The following NTNG2 variants were observed in gnomAD, a reference collection of about 807,000 sequenced individuals.
The protein encoded by NTNG2 is netrin-G2.
A neutral mutation model predicts 47.6 loss-of-function variants in NTNG2; 15 were observed. The observed-to-expected ratio is 0.32, with a 90% CI of 0.21 to 0.49. The LOEUF is 0.49. Among genes scored for constraint, NTNG2 ranks in the 20% least tolerant of loss-of-function variants. The pLI is 0.99. For synonymous variants in NTNG2, 307 were observed against 324.6 expected, an observed-to-expected ratio of 0.95 and a Z score of 0.58; for missense variants, 578 against 764.6, an observed-to-expected ratio of 0.76 and a Z score of 2.88.
At position 132,221,525 on chromosome 9, in the gene NTNG2, C is replaced by T. The variant is rs1165294703; in HGVS notation, c.858-5324C>T. ...TGTGCCAGCCTTGCCAGCCTTTCCC[C>T]ACACAGTGCCAGCTCCTCCCTGCAG... On this transcript the variant is annotated intron_variant, in intron 3 of 7. Transcript: ENST00000393229. The surrounding 1 kb of genome is among the most constrained non-coding windows in gnomAD (Gnocchi z 4.2). 6.6e-6 allele frequency among the ~76,000 whole-genome samples: 1 copy of T among 152,236 alleles called. No homozygotes were observed. Among genetic ancestry groups the T allele is most frequent in the Non-Finnish European group, 1.5e-5 (1 of 68,044 alleles).
At chr9:132,205,405 C>T (rs1176417667) in intron 3 of NTNG2, among the ~76,000 whole-genome samples, 1 of 152,084 alleles carries the variant, frequency 6.6e-6, no homozygotes, top group Non-Finnish European at 1.5e-5. Flanking sequence ...TCCCCAGAGT[C>T]GTCAAATTCA....
rs542479874 is a variant in NTNG2 at position 132,167,625 on chromosome 9, C to T, written c.213+581C>T. Among the ~76,000 whole-genome samples the T allele has an allele frequency of 3.3e-5, 5 of 152,302 alleles. No individual in the cohort carries two copies. The East Asian group carries it at 9.6e-4, about 29-fold the overall frequency. ...GGACAGACAGTGCAGCTTGGGTCCC[C>T]TTCCACTTCCATTCCTACATGCAAT... On this transcript the variant is annotated intron_variant, in intron 2 of 7. Transcript: ENST00000393229.
chr9:132,182,660 T>C lies in NTNG2; in HGVS notation c.214-15306T>C, dbSNP rs1589397789. Among the ~76,000 whole-genome samples the C allele has an allele frequency of 6.6e-6, 1 of 152,272 alleles. No homozygotes were observed. Among genetic ancestry groups the C allele is most frequent in the East Asian group, 1.9e-4 (1 of 5,168 alleles). On this transcript the variant is annotated intron_variant, in intron 2 of 7. Transcript: ENST00000393229. This position sits in a 1 kb window ranked among gnomAD's most constrained non-coding sequence, Gnocchi z 4.2. ...ATCAGCTGAGAACTGCAGCCTTGGG[T>C]ACAGAGTACGGGTTGTCTCCCAGCA...
chr9:132,241,914 G>T lies in NTNG2; in HGVS notation c.1396G>T (p.Gly466Ter). 6.3e-7 allele frequency: 1 copy of T among 1,577,072 alleles called. No homozygotes were observed. The change falls in exon 8 of 8, where the codon GGA becomes TGA. Residue 466 changes from glycine (G) to a stop codon, truncating the protein, a stop_gained. Coordinates refer to ENST00000393229, the MANE Select transcript of NTNG2 (RefSeq NM_032536.4). LOFTEE classifies it low-confidence loss of function (END_TRUNC). ...CGACGACCAGCTGCTGTGCCAGAAC[G>T]GAGGCACCTGCCTGCAGAACCAGCG... ...CDDDQLLCQN[G>*]GTCLQNQRCA... is the part of the protein sequence containing the mutation.
Position 132,218,222 on chromosome 9 carries a change from G to A in NTNG2, c.858-8627G>A, listed in dbSNP as rs886963312. 3.9e-5 allele frequency among the ~76,000 whole-genome samples: 6 copies of A among 152,182 alleles called. No individual in the cohort carries two copies. Among genetic ancestry groups the A allele is most frequent in the African/African-American group, 1.4e-4 (6 of 41,432 alleles). ...CAGACACTAAGTGTGGCTCTGAATC[G>A]AGCTGCTTGGATTCAAGTCCTGCGT... On this transcript the variant is annotated intron_variant, in intron 3 of 7. Coordinates refer to ENST00000393229, the MANE Select transcript of NTNG2 (RefSeq NM_032536.4). The surrounding 1 kb of genome is among the most constrained non-coding windows in gnomAD (Gnocchi z 5.4).
rs151045491 is a variant in NTNG2, at chr9:132,208,214, G to C, written c.857+9605G>C. ...GCTTTGAAGGAGAAACCTGAAGGGG[G>C]AACGGGGGCACGGCATTTGTGGCAG... On this transcript the variant is annotated intron_variant, in intron 3 of 7. Coordinates refer to ENST00000393229, the MANE Select transcript of NTNG2 (RefSeq NM_032536.4). This position sits in a 1 kb window ranked among gnomAD's most constrained non-coding sequence, Gnocchi z 4.0. Among the ~76,000 whole-genome samples the C allele has an allele frequency of 1.3e-5, 2 of 151,970 alleles. No individual in the cohort carries two copies. Among genetic ancestry groups the C allele is most frequent in the East Asian group, 1.9e-4 (1 of 5,174 alleles).
chr9:132,171,807 C>T (rs2131297897), intron 2 of NTNG2, among the ~76,000 whole-genome samples: 1 of 152,310 alleles, frequency 6.6e-6, no homozygotes, highest in South Asian at 2.1e-4. Context: ...ATGTTTCCAT[C>T]CAACAATGCA....
intron 2 of NTNG2, among the ~76,000 whole-genome samples, chr9:132,188,131 T>G (rs1388047563): frequency 6.6e-6 from 1 of 152,182 alleles, no homozygotes; most frequent in Non-Finnish European, 1.5e-5. Context: ...TCGGCTGCCT[T>G]TCCTTGCCTT....
intron 1 of NTNG2, among the ~76,000 whole-genome samples, chr9:132,165,295 G>T (rs1242741443): frequency 6.6e-6 from 1 of 151,970 alleles, no homozygotes; most frequent in African/African-American, 2.4e-5. Flanking sequence ...TATCTATTTT[G>T]ATATAATATA....
rs368973629 is a variant in NTNG2, at chr9:132,206,670, A to T, written c.857+8061A>T. 7.9e-5 allele frequency among the ~76,000 whole-genome samples: 12 copies of T among 152,258 alleles called. No homozygotes were observed. In the South Asian group the frequency reaches 1.0e-3, roughly 13 times the overall value. On this transcript the variant is annotated intron_variant, in intron 3 of 7. Coordinates refer to ENST00000393229, the MANE Select transcript of NTNG2 (RefSeq NM_032536.4). ...TGACAGAGCAAGACTCCGTCTCAAA[A>T]AAATAAATAAATAAATAAAATAAAC...
intron 1 of NTNG2, chr9:132,165,963 C>G (rs534360721): frequency 6.6e-6 from 1 of 152,330 alleles, no homozygotes; most frequent in East Asian, 1.9e-4. Flanking sequence ...TTCTCCCCCT[C>G]TTTAATTTGT....
intron 2 of NTNG2, among the ~76,000 whole-genome samples, chr9:132,184,472 G>C (rs542004100): frequency 6.6e-6 from 1 of 152,220 alleles, no homozygotes; most frequent in African/African-American, 2.4e-5. Flanking sequence ...CCTTGGGACT[G>C]GGGGGCAGTG....
rs976994168 is a variant in NTNG2, at chr9:132,221,948, T to C, written c.858-4901T>C. 1.3e-5 allele frequency among the ~76,000 whole-genome samples: 2 copies of C among 152,228 alleles called. No homozygotes were observed. Among genetic ancestry groups the C allele is most frequent in the African/African-American group, 4.8e-5 (2 of 41,458 alleles). ...TCTTTCGGTAGCTGATATCTAAAAATATCCCTTCCTCAGGCCAGCAGTGCG... is the reference window on the plus strand; with the variant it reads ...TCTTTCGGTAGCTGATATCTAAAAACATCCCTTCCTCAGGCCAGCAGTGCG... On this transcript the variant is annotated intron_variant, in intron 3 of 7. Transcript: ENST00000393229. The surrounding 1 kb of genome is among the most constrained non-coding windows in gnomAD (Gnocchi z 4.2).
intron 2 of NTNG2, among the ~76,000 whole-genome samples, chr9:132,186,802 C>T (rs1203062954): frequency 6.6e-6 from 1 of 152,396 alleles, no homozygotes; most frequent in African/African-American, 2.4e-5. Flanking sequence ...GATAGAACTG[C>T]CTGGAGCCAC....
At chr9:132,210,558 GA>G (rs1448317720) in intron 3 of NTNG2, among the ~76,000 whole-genome samples, 1 of 152,218 alleles carries the variant, frequency 6.6e-6, no homozygotes, top group Non-Finnish European at 1.5e-5. Context: ...GCGGACGGGG[GA>G]CTGAGCCCCA....
chr9:132,243,224 A>T lies in NTNG2; in HGVS notation c.*1113A>T. 1 of 152,246 alleles carries T rather than the reference A, an allele frequency of 6.6e-6. No homozygotes were observed. The highest frequency in any genetic ancestry group is 1.9e-4 in the East Asian group (1 of 5,198). The allele number at this position is 152,246 out of a possible 1,614,324, so 9.4% of individuals were successfully genotyped here. ...GGTGGCCACCTCCGATGGATGTGTC[A>T]TCTCAGACCTGTTGCAGCCGGAGCC... On this transcript the variant is annotated 3_prime_UTR_variant, in exon 8 of 8. Coordinates refer to ENST00000393229, the MANE Select transcript of NTNG2 (RefSeq NM_032536.4).
chr9:132,193,215 A>G (rs1838029430), intron 2 of NTNG2, among the ~76,000 whole-genome samples: 2 of 152,252 alleles, frequency 1.3e-5, no homozygotes, highest in Admixed American at 6.5e-5. Context: ...TCAACACTCA[A>G]TAGGAGATAT....
chr9:132,240,906 CCA>C lies in NTNG2; in HGVS notation c.1223-3_1223-2del. The C allele has an allele frequency of 6.2e-7, 1 of 1,612,896 alleles. No individual in the cohort carries two copies. Among genetic ancestry groups the C allele is most frequent in the South Asian group, 1.1e-5 (1 of 91,082 alleles). ...ACCGCGCGCCCGTGCCCGTGTCCGTCCAGAGTGTAACTGCAACCAGATAGGCT... is the reference window on the plus strand; with the variant it reads ...ACCGCGCGCCCGTGCCCGTGTCCGTCGAGTGTAACTGCAACCAGATAGGCT... On this transcript the variant is annotated splice_acceptor_variant and splice_polypyrimidine_tract_variant and intron_variant, in intron 6 of 7. Transcript: ENST00000393229. LOFTEE classifies it high-confidence loss of function.
intron 3 of NTNG2, among the ~76,000 whole-genome samples, chr9:132,224,158 T>C (rs2130917066): frequency 6.6e-6 from 1 of 152,360 alleles, no homozygotes; most frequent in East Asian, 1.9e-4. Context: ...TTCGTATTGT[T>C]ATAATTAATA....
Sources: gnomAD v4.1 joint callset for allele counts (sites outside exome capture counted in the v4.1 genomes callset) on GRCh38, gnomAD v4.1.1 for gene constraint, Gnocchi (gnomAD v3.1) non-coding constraint, MANE v1.5 for transcripts, NCBI Gene and HGNC (gene_info 2026-07-23, HGNC 2026-07-21) for gene names.